Variants in RNF138 observed in about 807,000 individuals in gnomAD.
The protein encoded by RNF138 is ring finger protein 138.
A neutral mutation model predicts 31.0 loss-of-function variants in RNF138; 12 were observed. The observed-to-expected ratio is 0.39, with a 90% confidence interval of 0.25 to 0.63. The LOEUF is 0.63. RNF138 is among the 20% of genes least tolerant of loss of function. The pLI is 0.52. For synonymous variants in RNF138, 105 were observed against 99.5 expected, an observed-to-expected ratio of 1.06 and a Z score of -0.33; for missense variants, 192 against 300.1, an observed-to-expected ratio of 0.64 and a Z score of 2.66.
At chr18:32,102,181 CCTT>C (rs1255721654) in intron 2 of RNF138, among the ~76,000 whole-genome samples, 2 of 148,838 alleles carry the variant, frequency 1.3e-5, no homozygotes, top group East Asian at 2.0e-4. Context: ...CCACACCTGA[CCTT>C]CTTTTAGTTT....
At chr18:32,127,949 A>G (rs1156841363) in intron 7 of RNF138, among the ~76,000 whole-genome samples, 2 of 152,118 alleles carry the variant, frequency 1.3e-5, no homozygotes, top group Non-Finnish European at 2.9e-5. Flanking sequence ...GTGTGTTGGC[A>G]GGTGCCTATA....
chr18:32,119,587 C>A (rs2040271527), intron 4 of RNF138, among the ~76,000 whole-genome samples: 1 of 152,106 alleles, frequency 6.6e-6, no homozygotes, highest in Admixed American at 6.6e-5. Flanking sequence ...CCACGCCTGG[C>A]TAATTTTTGT....
intron 2 of RNF138, among the ~76,000 whole-genome samples, chr18:32,107,843 A>C (rs1000835761): frequency 2.1e-4 from 31 of 151,106 alleles, no homozygotes; most frequent in African/African-American, 7.1e-4. Context: ...TAACAGTTTT[A>C]ATATAACTAC....
intron 7 of RNF138, among the ~76,000 whole-genome samples, 199 bp from the exon 8 acceptor site, chr18:32,128,920 A>C (rs906695294): frequency 1.3e-5 from 2 of 152,212 alleles, no homozygotes; most frequent in Admixed American, 6.5e-5. Flanking sequence ...TTACAACTGA[A>C]CTTAATGTCT....
intron 2 of RNF138, among the ~76,000 whole-genome samples, chr18:32,097,608 T>G (rs899118187): frequency 1.3e-5 from 2 of 151,972 alleles, no homozygotes; most frequent in Non-Finnish European, 2.9e-5. Context: ...CTCGTCCTCC[T>G]GAGTAGCTGG....
In RNF138 at chr18:32,126,712, C is replaced by G; in HGVS notation, c.581C>G (p.Ser194Cys). 3 of 1,593,974 alleles carry G rather than the reference C, an allele frequency of 1.9e-6. No homozygotes were observed. Among genetic ancestry groups the G allele is most frequent in the South Asian group, 1.1e-5 (1 of 90,124 alleles). The change falls in exon 7 of 8, where the codon TCT (serine) becomes TGT (cysteine). Residue 194 changes from serine (S) to cysteine (C), a missense_variant. Ser to Cys is a moderately radical substitution (Grantham distance 112). This residue lies in a region of RNF138 where 140 missense variants were observed against 251.7 expected (regional missense o/e 0.56). Coordinates refer to ENST00000261593, the MANE Select transcript of RNF138 (RefSeq NM_016271.5). Reference protein sequence around the residue: ...IVPVTCPICVSLPWGDPSQIT... With the variant: ...IVPVTCPICVCLPWGDPSQIT... ...TTATAGACATGTCCTATTTGTGTGT[C>G]TCTTCCTTGGGGAGATCCTAGCCAG...
intron 4 of RNF138, among the ~76,000 whole-genome samples, chr18:32,115,615 C>T (rs1422098146): frequency 3.9e-5 from 6 of 152,020 alleles, no homozygotes; most frequent in Non-Finnish European, 7.4e-5. Flanking sequence ...CGTGGTGGCG[C>T]GTGCCTATAG....
chr18:32,124,917 A>G (rs2040360739), intron 6 of RNF138, 72 bp downstream of exon 6: 9 of 765,702 alleles, frequency 1.2e-5, no homozygotes, highest in South Asian at 6.5e-5. Flanking sequence ...CACTTCATGT[A>G]TGCAAGAGAA....
At chr18:32,104,318 G>GT (rs1170146239) in intron 2 of RNF138, among the ~76,000 whole-genome samples, 8 of 150,936 alleles carry the variant, frequency 5.3e-5, no homozygotes, top group Non-Finnish European at 8.9e-5. Context: ...TGGCCTAAAA[G>GT]TTTAAAAAAA....
intron 4 of RNF138, among the ~76,000 whole-genome samples, chr18:32,120,749 A>G (rs1456886389): frequency 6.6e-6 from 1 of 152,222 alleles, no homozygotes; most frequent in Non-Finnish European, 1.5e-5. Flanking sequence ...AAAGGGCATT[A>G]ACTTTGATAT....
intron 4 of RNF138, among the ~76,000 whole-genome samples, chr18:32,114,304 A>G (rs1213501400): frequency 6.6e-6 from 1 of 152,212 alleles, no homozygotes; most frequent in African/African-American, 2.4e-5. Flanking sequence ...AACCAGGTGC[A>G]GTGCAGTTCT....
At chr18:32,092,508 G>A (rs1246029545) in intron 1 of RNF138, 192 bp from the exon 2 acceptor site, 15 of 445,150 alleles carry the variant, frequency 3.4e-5, no homozygotes, top group Non-Finnish European at 6.1e-5. Context: ...CATGCTGCGA[G>A]CCCAGCCTCC....
In RNF138 at chr18:32,123,503, CCT is replaced by C; in HGVS notation, c.393-14_393-13del. 1 of 1,546,786 alleles carries C rather than the reference CCT, an allele frequency of 6.5e-7. No homozygotes were observed. The highest frequency in any genetic ancestry group is 1.2e-5 in the South Asian group (1 of 83,234). The stretch of plus-strand genomic sequence containing the variant: ...TTACTTTGAGGTATTAACTTTTTCC[CCT>C]GTGCTTCTTAAGCAATAGGAGTGAA... On this transcript the variant is annotated splice_polypyrimidine_tract_variant and intron_variant, in intron 4 of 7. Coordinates refer to ENST00000261593, the MANE Select transcript of RNF138 (RefSeq NM_016271.5).
Position 32,103,340 on chromosome 18 carries a change from C to T in RNF138, c.111-8414C>T, listed in dbSNP as rs2039973793. On this transcript the variant is annotated intron_variant, in intron 2 of 7. Transcript: ENST00000261593. ...AGTAGCTGAGACTACAGGTGCACAC[C>T]ACCATACCTCACTAATTTTTAAAAA... Among the ~76,000 whole-genome samples, 2 of 151,832 alleles carry T rather than the reference C, an allele frequency of 1.3e-5. 1 individual carries two copies. The highest frequency in any genetic ancestry group is 4.1e-4 in the South Asian group (2 of 4,820).
Position 32,124,717 on chromosome 18 carries a change from T to G in RNF138, c.450-17T>G, listed in dbSNP as rs1344342600. 8.1e-7 allele frequency: 1 copy of G among 1,239,902 alleles called. No homozygotes were observed. Among genetic ancestry groups the G allele is most frequent in the Middle Eastern group, 2.4e-4 (1 of 4,208 alleles). 76.8% of individuals were successfully genotyped at this position (1,239,902 alleles called of 1,614,324 possible). On this transcript the variant is annotated splice_polypyrimidine_tract_variant and intron_variant, in intron 5 of 7. Transcript: ENST00000261593. The stretch of plus-strand genomic sequence containing the variant: ...TTATTCTGAATTAAGTATGTTTCAC[T>G]TAAAATTGTTTTATAGTTCTTCTGG...
chr18:32,109,747 G>A (rs920583275), intron 2 of RNF138, among the ~76,000 whole-genome samples: 4 of 152,078 alleles, frequency 2.6e-5, no homozygotes, highest in Non-Finnish European at 5.9e-5. Context: ...ATTAGCCGTC[G>A]CAGTGGTGCA....
At chr18:32,104,167 C>T (rs1181958175) in intron 2 of RNF138, among the ~76,000 whole-genome samples, 1 of 151,730 alleles carries the variant, frequency 6.6e-6, no homozygotes, top group Non-Finnish European at 1.5e-5. Context: ...GTATATGCCA[C>T]CATGCCTGGC....
intron 2 of RNF138, among the ~76,000 whole-genome samples, chr18:32,108,863 A>G (rs1422697073): frequency 1.3e-5 from 2 of 151,966 alleles, no homozygotes; most frequent in Non-Finnish European, 2.9e-5. Context: ...TAATTTTTTT[A>G]CAGGAGCAAA....
intron 2 of RNF138, among the ~76,000 whole-genome samples, chr18:32,109,951 T>C (rs573105882): frequency 1.3e-5 from 2 of 152,294 alleles, no homozygotes; most frequent in Non-Finnish European, 2.9e-5. Flanking sequence ...TTGTTTACTT[T>C]GCGTTATTTT....
Sources: gnomAD v4.1 joint callset for allele counts (sites outside exome capture counted in the v4.1 genomes callset) on GRCh38, gnomAD v4.1.1 for gene constraint, gnomAD v4.1.1 regional missense constraint, MANE v1.5 for transcripts, NCBI Gene and HGNC (gene_info 2026-07-23, HGNC 2026-07-21) for gene names.